ANXA11: variants seen among roughly 807,000 people sequenced by gnomAD.
ANXA11 encodes annexin A11.
In ANXA11, 57 loss-of-function variants were observed where a neutral mutation model predicts 64.7. That is an observed-to-expected ratio of 0.88 (90% confidence interval 0.71 to 1.10). The LOEUF (loss-of-function observed/expected upper bound fraction) is 1.10. ANXA11 is among the 50% of genes least tolerant of loss of function. The pLI, the probability that ANXA11 is intolerant of heterozygous loss-of-function variation, is 0.00. For synonymous variants in ANXA11, 260 were observed against 265.2 expected (o/e 0.98, Z 0.19); for missense variants, 675 against 670.7 (o/e 1.01, Z -0.07).
rs1322416919 is a variant in ANXA11 at position 80,155,809 on chromosome 10, T to C, written c.*44A>G. On this transcript the variant is annotated 3_prime_UTR_variant, in exon 16 of 16. Coordinates refer to ENST00000422982, the MANE Select transcript of ANXA11 (RefSeq NM_145868.2). ...CATTCTTTTGGCCTTTTCCTGGCAC[T>C]GGTGTTGCCGGCAGGTGGGCAGAAG... 1.3e-6 allele frequency: 2 copies of C among 1,576,726 alleles called. No individual in the cohort carries two copies. Among genetic ancestry groups the C allele is most frequent in the South Asian group, 1.1e-5 (1 of 90,244 alleles).
intron 1 of ANXA11, among the ~76,000 whole-genome samples, chr10:80,197,712 G>A (rs1028508757): frequency 3.3e-5 from 5 of 152,276 alleles, no homozygotes; most frequent in African/African-American, 1.2e-4. Context: ...CACGAGGTCA[G>A]GAGATCGAGA....
At chr10:80,202,206 C>CAGGG (rs1840463470) in intron 1 of ANXA11, among the ~76,000 whole-genome samples, 4 of 147,050 alleles carry the variant, frequency 2.7e-5, no homozygotes, top group African/African-American at 1.0e-4. Context: ...GGGGGGGAAG[C>CAGGG]GGGGGGTCTC....
chr10:80,163,935 T>C, intron 9 of ANXA11, 118 bp downstream of exon 9: 1 of 832,820 alleles, frequency 1.2e-6, no homozygotes, highest in Non-Finnish European at 1.9e-6. Flanking sequence ...TGGCAGAAGA[T>C]GGGTTGATAA....
chr10:80,184,266 A>G (rs879768939), intron 1 of ANXA11, among the ~76,000 whole-genome samples: 7 of 152,314 alleles, frequency 4.6e-5, no homozygotes, highest in Admixed American at 4.6e-4. Flanking sequence ...TTGACTTATG[A>G]TAGGGTTACA....
chr10:80,155,251 T>G lies in ANXA11; in HGVS notation c.*602A>C, dbSNP rs778810680. ...CCTGTCACTGACAGGGAACTGGCTTTGTTCTCGTGGTTTCTGCAAGGAAGA... is the reference window on the plus strand; with the variant it reads ...CCTGTCACTGACAGGGAACTGGCTTGGTTCTCGTGGTTTCTGCAAGGAAGA... On this transcript the variant is annotated 3_prime_UTR_variant, in exon 16 of 16. Coordinates refer to ENST00000422982, the MANE Select transcript of ANXA11 (RefSeq NM_145868.2). 8 of 152,792 alleles carry G rather than the reference T, an allele frequency of 5.2e-5. No individual in the cohort carries two copies. Among genetic ancestry groups the G allele is most frequent in the African/African-American group, 1.7e-4 (7 of 41,444 alleles). 9.5% of individuals were successfully genotyped at this position (152,792 alleles called of 1,614,324 possible). A position where few individuals can be genotyped will look rare whatever the true frequency, so the allele number is the denominator to read the frequency against.
chr10:80,183,477 T>C (rs1267214441), intron 1 of ANXA11, among the ~76,000 whole-genome samples: 1 of 152,256 alleles, frequency 6.6e-6, no homozygotes, highest in Non-Finnish European at 1.5e-5. Flanking sequence ...ATGTCCACAT[T>C]GGAAGGGATC....
At chr10:80,188,435 A>C (rs1033793327) in intron 1 of ANXA11, among the ~76,000 whole-genome samples, 1 of 146,928 alleles carries the variant, frequency 6.8e-6, no homozygotes, top group African/African-American at 2.5e-5. Flanking sequence ...AAAGAGGAAA[A>C]ATGCATCCAT....
chr10:80,187,084 C>T (rs2789695), intron 1 of ANXA11, among the ~76,000 whole-genome samples: 96,212 of 152,108 alleles, frequency 0.63, 31,504 homozygotes, highest in African/African-American at 0.8. Context: ...GAGGTTCTTG[C>T]AACAGACACA....
At chr10:80,188,636 C>T (rs530225532) in intron 1 of ANXA11, among the ~76,000 whole-genome samples, 120 of 151,978 alleles carry the variant, frequency 7.9e-4, no homozygotes, top group African/African-American at 2.8e-3. Flanking sequence ...CCCCCCTGGG[C>T]AACTTAACCT....
chr10:80,156,779 C>T (rs929384980), intron 15 of ANXA11, among the ~76,000 whole-genome samples: 3 of 152,224 alleles, frequency 2.0e-5, no homozygotes, highest in Admixed American at 6.5e-5. Flanking sequence ...GCTGGGATTA[C>T]AGGCGTGAGC....
At position 80,170,879 on chromosome 10, in the gene ANXA11, G is replaced by C. The variant is rs369132942; in HGVS notation, c.92C>G (p.Pro31Arg). ...CAGCCCGATGGGGGGCATGCTGGGC[G>C]GAGGAGGGTAGGCAGCACCTCCCCA... ...GPWGGAAYPP[P>R]PSMPPIGLDN... Residue 31 changes from proline to arginine, a missense_variant, in exon 4 of 16, where the codon CCG becomes CGG. By Grantham distance (103) the Pro-to-Arg change is moderately radical (BLOSUM62 -2). Transcript: ENST00000422982. 2 of 1,568,352 alleles carry C rather than the reference G, an allele frequency of 1.3e-6. No homozygotes were observed. Among genetic ancestry groups the C allele is most frequent in the East Asian group, 2.3e-5 (1 of 42,586 alleles).
intron 1 of ANXA11, among the ~76,000 whole-genome samples, chr10:80,182,310 A>G (rs568798194): frequency 5.9e-5 from 9 of 152,268 alleles, no homozygotes; most frequent in East Asian, 3.9e-4. Flanking sequence ...TATTTAACAA[A>G]TAAAAGGAAT....
chr10:80,158,023 T>G lies in ANXA11; in HGVS notation c.1279A>C (p.Lys427Gln), dbSNP rs780326754. The stretch of plus-strand genomic sequence containing the variant: ...AAGGCTGGGGTATTCTTGAGACATT[T>G]CACTAGAAGAGAGAAACTCGGCATA... Reference protein sequence around the residue: ...DLEEGMLAVVKCLKNTPAFFA... With the variant: ...DLEEGMLAVVQCLKNTPAFFA... Residue 427 changes from lysine to glutamine, a missense_variant and splice_region_variant, in exon 14 of 16, where the codon AAA becomes CAA. Physicochemically the swap from Lys to Gln is moderately conservative, Grantham distance 53. Coordinates refer to ENST00000422982, the MANE Select transcript of ANXA11 (RefSeq NM_145868.2). 1.2e-6 allele frequency: 2 copies of G among 1,614,072 alleles called. No homozygotes were observed. The highest frequency in any genetic ancestry group is 1.7e-6 in the Non-Finnish European group (2 of 1,179,990).
Position 80,164,105 on chromosome 10 carries a change from G to A in ANXA11, c.897C>T (p.Leu299=), listed in dbSNP as rs773985331. 14 of 1,614,012 alleles carry A rather than the reference G, an allele frequency of 8.7e-6. No homozygotes were observed. Among genetic ancestry groups the A allele is most frequent in the Admixed American group, 3.3e-5 (2 of 59,998 alleles). The stretch of plus-strand genomic sequence containing the variant: ...GGATGTGCTCATTGCTGCGGGAAGC[G>A]AGGATCTCAATCAGGCAGGCTTCAT... ...GTDEACLIEI[L]ASRSNEHIRE... The change falls in exon 9 of 16, where the codon CTC becomes CTT. Residue 299 remains leucine, a synonymous_variant. Coordinates refer to ENST00000422982, the MANE Select transcript of ANXA11 (RefSeq NM_145868.2).
In ANXA11 at chr10:80,164,104, C is replaced by T. The variant is rs200598844; in HGVS notation, c.898G>A (p.Ala300Thr). The change falls in exon 9 of 16, where the codon GCT becomes ACT. Residue 300 changes from alanine to threonine, a missense_variant. By Grantham distance (58) the Ala-to-Thr change is moderately conservative. Coordinates refer to ENST00000422982, the MANE Select transcript of ANXA11 (RefSeq NM_145868.2). Reference protein sequence around the residue: ...TDEACLIEILASRSNEHIREL... With the variant: ...TDEACLIEILTSRSNEHIREL... ...CGGATGTGCTCATTGCTGCGGGAAG[C>T]GAGGATCTCAATCAGGCAGGCTTCA... The T allele has an allele frequency of 1.3e-5, 21 of 1,614,000 alleles. No homozygotes were observed. The highest frequency in any genetic ancestry group is 1.6e-5 in the Non-Finnish European group (19 of 1,179,992).
chr10:80,185,512 C>T (rs917727246), intron 1 of ANXA11, among the ~76,000 whole-genome samples: 10 of 152,196 alleles, frequency 6.6e-5, no homozygotes, highest in African/African-American at 1.7e-4. Flanking sequence ...TTTGCAACAG[C>T]GTAATAAAAG....
At chr10:80,177,296 G>C (rs1846206516) in intron 1 of ANXA11, among the ~76,000 whole-genome samples, 3 of 152,100 alleles carry the variant, frequency 2.0e-5, no homozygotes. Flanking sequence ...TTATCTTTTA[G>C]TTCTTTTCAG....
chr10:80,171,072 A>G, intron 3 of ANXA11, 157 bp from the exon 4 acceptor site: 1 of 1,521,422 alleles, frequency 6.6e-7, no homozygotes, highest in Non-Finnish European at 8.8e-7. Context: ...CACCAGGAGG[A>G]AAGTCTCCCC....
Position 80,154,393 on chromosome 10 carries a change from C to A in ANXA11, c.*1460G>T, listed in dbSNP as rs748331195. 7 of 152,248 alleles carry A rather than the reference C, an allele frequency of 4.6e-5. No homozygotes were observed. Among genetic ancestry groups the A allele is most frequent in the Middle Eastern group, 3.4e-3 (1 of 294 alleles). 9.4% of individuals were successfully genotyped at this position (152,248 alleles called of 1,614,324 possible). A position where few individuals can be genotyped will look rare whatever the true frequency, so the allele number is the denominator to read the frequency against. The stretch of plus-strand genomic sequence containing the variant: ...CTGGGATTACAGCCGTGAGCCACCA[C>A]GCCTGGCCAAATTTTTTAGTAGAGA... On this transcript the variant is annotated 3_prime_UTR_variant, in exon 16 of 16. Coordinates refer to ENST00000422982, the MANE Select transcript of ANXA11 (RefSeq NM_145868.2).
Sources: allele counts gnomAD v4.1 joint callset (sites outside exome capture counted in the v4.1 genomes callset), GRCh38; gene constraint gnomAD v4.1.1; transcripts MANE v1.5; gene names NCBI Gene and HGNC (gene_info 2026-07-23, HGNC 2026-07-21).